Variants in SLC5A10 observed in about 807,000 individuals in gnomAD.
The protein encoded by SLC5A10 is solute carrier family 5 member 10.
SLC5A10 carries 55 observed loss-of-function variants against 68.9 expected under a neutral mutation model. The observed-to-expected ratio is 0.80, with a 90% CI of 0.64 to 1.00. SLC5A10 has a LOEUF of 1.00. SLC5A10 is among the 50% of genes least tolerant of loss of function. The probability of loss-of-function intolerance (pLI) is 0.00; values close to 1 mark genes in which losing one functional copy is unlikely to be tolerated. For synonymous variants in SLC5A10, 344 were observed against 344.8 expected (o/e 1.00, Z 0.02); for missense variants, 732 against 819.3 (o/e 0.89, Z 1.30).
chr17:18,991,130 C>T (rs1386036375), intron 9 of SLC5A10, among the ~76,000 whole-genome samples: 1 of 152,240 alleles, frequency 6.6e-6, no homozygotes, highest in East Asian at 1.9e-4. Flanking sequence ...GAGGCATTCG[C>T]CACCTTGCCT....
intron 9 of SLC5A10, among the ~76,000 whole-genome samples, chr17:19,012,537 A>C (rs2152153055): frequency 6.6e-6 from 1 of 152,352 alleles, no homozygotes; most frequent in South Asian, 2.1e-4. Flanking sequence ...ATGACAAGGG[A>C]TGAGGGAAAG....
Position 19,020,560 on chromosome 17 carries a change from A to G in SLC5A10, c.*129A>G. 1.2e-6 allele frequency: 1 copy of G among 820,034 alleles called. No homozygotes were observed. Among genetic ancestry groups the G allele is most frequent in the East Asian group, 2.7e-5 (1 of 37,384 alleles). The allele number at this position is 820,034 out of a possible 1,614,324, so 50.8% of individuals were successfully genotyped here. ...CTGCACAGCAGCTCGGTGCCCAAGAACTGGCCAAGCCAGCAAAGCGGGAGC... is the reference window on the plus strand; with the variant it reads ...CTGCACAGCAGCTCGGTGCCCAAGAGCTGGCCAAGCCAGCAAAGCGGGAGC... On this transcript the variant is annotated 3_prime_UTR_variant, in exon 15 of 15. Coordinates refer to ENST00000395645, the MANE Select transcript of SLC5A10 (RefSeq NM_001042450.4).
intron 9 of SLC5A10, among the ~76,000 whole-genome samples, chr17:19,009,547 G>A (rs1446218200): frequency 6.6e-6 from 1 of 152,168 alleles, no homozygotes; most frequent in Non-Finnish European, 1.5e-5. Flanking sequence ...CTCAGGTCTG[G>A]GAGCCTTTCT....
intron 9 of SLC5A10, chr17:18,978,822 G>C: frequency 6.2e-7 from 1 of 1,612,726 alleles, no homozygotes; most frequent in Non-Finnish European, 8.5e-7. Flanking sequence ...ATCACATTCC[G>C]GTCCGTCCGC....
chr17:19,008,726 C>T (rs1183016369), intron 9 of SLC5A10, among the ~76,000 whole-genome samples: 2 of 152,092 alleles, frequency 1.3e-5, no homozygotes, highest in South Asian at 2.1e-4. Flanking sequence ...GTATCGATCT[C>T]CTGACCTCGT....
At chr17:19,015,473 ATC>A (rs201190158) in intron 11 of SLC5A10, among the ~76,000 whole-genome samples, 1 of 151,996 alleles carries the variant, frequency 6.6e-6, no homozygotes, top group African/African-American at 2.4e-5. Flanking sequence ...CATGCCACAG[ATC>A]TCTCTATCTC....
rs754974952 is a variant in SLC5A10, at chr17:19,020,175, G to T, written c.1647G>T (p.Trp549Cys). ...TACAGATTGAGAACCTTACCTGGTG[G>T]ACCCTGGCTCAGGATGTGCCCTTGG... ...QSVQIENLTWWTLAQDVPLGT... is the reference protein window; with the variant it reads ...QSVQIENLTWCTLAQDVPLGT... Residue 549 changes from tryptophan (W) to cysteine (C), a missense_variant, in exon 14 of 15, where the codon TGG becomes TGT. Transcript: ENST00000395645. 1.2e-6 allele frequency: 2 copies of T among 1,613,160 alleles called. No homozygotes were observed. The highest frequency in any genetic ancestry group is 8.5e-7 in the Non-Finnish European group (1 of 1,179,876).
chr17:18,966,443 C>T (rs2042710212), intron 5 of SLC5A10, among the ~76,000 whole-genome samples: 1 of 152,170 alleles, frequency 6.6e-6, no homozygotes, highest in Non-Finnish European at 1.5e-5. Flanking sequence ...GGGCCTTGAC[C>T]TCCCCATCTG....
In SLC5A10 at chr17:19,019,557, T is replaced by C; in HGVS notation, c.1376T>C (p.Val459Ala). 6.2e-7 allele frequency: 1 copy of C among 1,612,184 alleles called. No homozygotes were observed. ...GCCCCACCAGTGACTGCAGTCTTTG[T>C]CCTGGGCGTCTTCTGGCGACGTGCC... ...SLAPPVTAVFVLGVFWRRANE... is the reference protein window; with the variant it reads ...SLAPPVTAVFALGVFWRRANE... Residue 459 changes from valine to alanine, a missense_variant, in exon 12 of 15, where the codon GTC becomes GCC. Val to Ala is a moderately conservative substitution (Grantham distance 64, BLOSUM62 0). Coordinates refer to ENST00000395645, the MANE Select transcript of SLC5A10 (RefSeq NM_001042450.4).
In SLC5A10 at chr17:19,017,213, G is replaced by A; in HGVS notation, c.1241+2014G>A. ...TGGGCCCCAGTTCTCTCAGCTGCCAGCTGGATAGAGCAGAAAGGGCCCCGT... is the reference window on the plus strand; with the variant it reads ...TGGGCCCCAGTTCTCTCAGCTGCCAACTGGATAGAGCAGAAAGGGCCCCGT... On this transcript the variant is annotated intron_variant, in intron 11 of 14. Transcript: ENST00000395645. The surrounding 1 kb of genome is among the most constrained non-coding windows in gnomAD (Gnocchi z 5.6). The A allele has an allele frequency of 7.2e-7, 1 of 1,385,276 alleles. No homozygotes were observed. The highest frequency in any genetic ancestry group is 1.0e-6 in the Non-Finnish European group (1 of 999,402). 85.8% of individuals were successfully genotyped at this position (1,385,276 alleles called of 1,614,324 possible).
At chr17:18,961,399 C>T (rs1026474632) in intron 5 of SLC5A10, among the ~76,000 whole-genome samples, 6 of 152,160 alleles carry the variant, frequency 3.9e-5, no homozygotes, top group Non-Finnish European at 7.4e-5. Context: ...CTAGCCCCTG[C>T]GACCTCCGAG....
Position 18,979,519 on chromosome 17 carries a change from G to A in SLC5A10, c.982+2530G>A, listed in dbSNP as rs772462759. On this transcript the variant is annotated intron_variant, in intron 9 of 14. Coordinates refer to ENST00000395645, the MANE Select transcript of SLC5A10 (RefSeq NM_001042450.4). ...CAGTTGGGAGCCAGAGGTACCTCTC[G>A]CACAACTTCCCTGAAAGCTGGAGAG... 3.7e-6 allele frequency: 6 copies of A among 1,610,456 alleles called. No individual in the cohort carries two copies. In the African/African-American group the frequency reaches 4.0e-5, roughly 11 times the overall value.
At chr17:18,974,721 T>C (rs574981876) in intron 8 of SLC5A10, among the ~76,000 whole-genome samples, 3 of 152,238 alleles carry the variant, frequency 2.0e-5, no homozygotes, top group African/African-American at 7.2e-5. Context: ...AGGGACAGGC[T>C]TGGCCGGCTA....
chr17:18,960,388 G>A (rs989790568), intron 4 of SLC5A10, among the ~76,000 whole-genome samples, 160 bp from the exon 5 acceptor site: 44 of 152,232 alleles, frequency 2.9e-4, no homozygotes, highest in African/African-American at 8.9e-4. Context: ...ATTCCAGGCC[G>A]GGTGCTGGGG....
chr17:18,993,626 A>G (rs1159325122), intron 9 of SLC5A10, among the ~76,000 whole-genome samples: 1 of 152,248 alleles, frequency 6.6e-6, no homozygotes, highest in Non-Finnish European at 1.5e-5. Flanking sequence ...AAGCAGCCAC[A>G]GACACTGCAC....
chr17:19,020,364 G>C lies in SLC5A10; in HGVS notation c.1724G>C (p.Arg575Pro), dbSNP rs369106730. The change falls in exon 15 of 15, where the codon CGT becomes CCT. Residue 575 changes from arginine to proline, a missense_variant. Physicochemically the swap from Arg to Pro is moderately radical, Grantham distance 103 (BLOSUM62 -2). Coordinates refer to ENST00000395645, the MANE Select transcript of SLC5A10 (RefSeq NM_001042450.4). The stretch of plus-strand genomic sequence containing the variant: ...CCCCAGAAACACGCCTTCTGGGCCC[G>C]TGTCTGTGGCTTCAATGCCATCCTC... ...QTPQKHAFWA[R>P]VCGFNAILLM... The C allele has an allele frequency of 6.2e-7, 1 of 1,614,108 alleles. No homozygotes were observed. The highest frequency in any genetic ancestry group is 8.5e-7 in the Non-Finnish European group (1 of 1,180,034).
intron 9 of SLC5A10, among the ~76,000 whole-genome samples, chr17:19,002,152 C>T (rs2043746480): frequency 6.6e-6 from 1 of 152,208 alleles, no homozygotes. Flanking sequence ...TCCTTCCTTA[C>T]TTTTGTCACC....
chr17:18,979,978 A>G (rs1266926435), intron 9 of SLC5A10, among the ~76,000 whole-genome samples: 2 of 151,946 alleles, frequency 1.3e-5, no homozygotes, highest in South Asian at 2.1e-4. Context: ...GAAAAGGCTT[A>G]CACAGCCAGC....
chr17:18,989,632 C>T (rs957161799), intron 9 of SLC5A10, among the ~76,000 whole-genome samples: 2 of 152,250 alleles, frequency 1.3e-5, no homozygotes, highest in African/African-American at 2.4e-5. Flanking sequence ...TACCGCAGCA[C>T]CTGCAAAGAG....
Sources: gnomAD v4.1 joint callset for allele counts (sites outside exome capture counted in the v4.1 genomes callset) on GRCh38, gnomAD v4.1.1 for gene constraint, Gnocchi (gnomAD v3.1) non-coding constraint, MANE v1.5 for transcripts, NCBI Gene and HGNC (gene_info 2026-07-23, HGNC 2026-07-21) for gene names.